The following CHRDL2 variants were observed in gnomAD, a reference collection of about 807,000 sequenced individuals.
CHRDL2 encodes chordin like 2.
CHRDL2 carries 41 observed loss-of-function variants against 54.3 expected under a neutral mutation model. That is an observed-to-expected ratio of 0.76 (90% CI 0.59 to 0.98). The LOEUF (loss-of-function observed/expected upper bound fraction) is 0.98, where lower values mean the gene tolerates loss of function less well. Among genes scored for constraint, CHRDL2 ranks in the 50% least tolerant of loss-of-function variants. The pLI is 0.00. For synonymous variants in CHRDL2, 220 were observed against 224.3 expected (o/e 0.98, Z 0.17); for missense variants, 518 against 562.4 (o/e 0.92, Z 0.80).
At chr11:74,704,764 G>T in intron 6 of CHRDL2, 110 bp from the exon 7 acceptor site, 1 of 1,062,310 alleles carries the variant, frequency 9.4e-7, no homozygotes, top group Non-Finnish European at 1.4e-6. Flanking sequence ...ACCCCAGCAT[G>T]ACTTCCCAGA....
intron 1 of CHRDL2, among the ~76,000 whole-genome samples, chr11:74,724,542 T>G (rs1006440833): frequency 6.6e-6 from 1 of 152,250 alleles, no homozygotes; most frequent in Non-Finnish European, 1.5e-5. Flanking sequence ...TCACCTCCTC[T>G]TGCTAAATTC....
chr11:74,725,360 C>G (rs2034558341), intron 1 of CHRDL2, among the ~76,000 whole-genome samples: 1 of 152,180 alleles, frequency 6.6e-6, no homozygotes. Context: ...CCTTTCAGCA[C>G]TTTTACCTTG....
At chr11:74,709,814 G>T (rs966111097) in intron 4 of CHRDL2, among the ~76,000 whole-genome samples, 2 of 152,164 alleles carry the variant, frequency 1.3e-5, no homozygotes, top group Admixed American at 1.3e-4. Context: ...ACTCCCTTAC[G>T]CACTCAGAGG....
intron 1 of CHRDL2, among the ~76,000 whole-genome samples, chr11:74,719,657 T>C (rs1301320851): frequency 6.6e-6 from 1 of 152,256 alleles, no homozygotes; most frequent in Middle Eastern, 3.2e-3. Flanking sequence ...TTGCTACTAC[T>C]GTGATTTGTG....
chr11:74,698,146 T>A (rs1591344873), intron 9 of CHRDL2: 1 of 151,778 alleles, frequency 6.6e-6, no homozygotes, highest in East Asian at 1.9e-4. Context: ...TCACTGCAAC[T>A]TCTGCCTCCC....
intron 1 of CHRDL2, among the ~76,000 whole-genome samples, chr11:74,727,145 C>T (rs947238094): frequency 2.6e-5 from 4 of 152,162 alleles, no homozygotes; most frequent in Admixed American, 1.3e-4. Flanking sequence ...AATAATCATC[C>T]ACTTGAGTCC....
At chr11:74,697,177 G>T (rs200130606) in intron 10 of CHRDL2, 28 bp downstream of exon 10, 42 of 1,577,240 alleles carry the variant, frequency 2.7e-5, no homozygotes, top group Admixed American at 5.0e-5. Context: ...TTCCTGCCCC[G>T]GCCCCATTCC....
Position 74,710,887 on chromosome 11 carries a change from AG to A in CHRDL2, c.393del (p.Ser132ProfsTer63), listed in dbSNP as rs1426238775. ...AGGACACACTGGTTGGGCAGGCGGG[AG>A]GGGAACAGCTCATGGGCACTGAAGA... ...GEIFSAHELF[P>X]SRLPNQCVLC... On this transcript the variant is annotated frameshift_variant, in exon 4 of 11. Transcript: ENST00000376332. LOFTEE classifies it high-confidence loss of function. 6 of 1,613,918 alleles carry A rather than the reference AG, an allele frequency of 3.7e-6. No homozygotes were observed. The Admixed American group carries it at 6.7e-5, about 18-fold the overall frequency.
At chr11:74,703,087 C>T (rs186249481) in intron 8 of CHRDL2, 120 bp from the exon 9 acceptor site, 72 of 1,120,416 alleles carry the variant, frequency 6.4e-5, no homozygotes, top group East Asian at 1.9e-4. Context: ...TCTATGTTAA[C>T]AACCTCTGAA....
intron 9 of CHRDL2, among the ~76,000 whole-genome samples, chr11:74,699,899 A>G (rs1490575388): frequency 6.6e-6 from 1 of 152,156 alleles, no homozygotes; most frequent in Non-Finnish European, 1.5e-5. Flanking sequence ...GGGTGAGGAG[A>G]TGGGGTGCGG....
At chr11:74,723,089 T>G (rs1054074386) in intron 1 of CHRDL2, among the ~76,000 whole-genome samples, 9 of 152,290 alleles carry the variant, frequency 5.9e-5, no homozygotes, top group Non-Finnish European at 1.3e-4. Flanking sequence ...GCAGTCATCC[T>G]GTTTTGAGAT....
chr11:74,706,674 C>T, intron 5 of CHRDL2, 132 bp from the exon 6 acceptor site: 4 of 777,416 alleles, frequency 5.1e-6, no homozygotes, highest in Non-Finnish European at 8.6e-6. Context: ...AGCCCACTAG[C>T]CAGCTCCTTT....
chr11:74,713,574 T>G, intron 2 of CHRDL2, 95 bp from the exon 3 acceptor site: 1 of 913,146 alleles, frequency 1.1e-6, no homozygotes, highest in South Asian at 1.6e-5. Context: ...ACTGCAGAAG[T>G]CTGAACTTGT....
At chr11:74,703,531 C>A (rs1184504775) in intron 7 of CHRDL2, 32 bp from the exon 8 acceptor site, 8 of 1,520,674 alleles carry the variant, frequency 5.3e-6, no homozygotes, top group Non-Finnish European at 7.1e-6. Flanking sequence ...GAAGGAGGAT[C>A]AGGGCCTCAG....
intron 9 of CHRDL2, among the ~76,000 whole-genome samples, chr11:74,700,624 T>A (rs1264382085): frequency 7.9e-6 from 1 of 126,480 alleles, no homozygotes; most frequent in Non-Finnish European, 1.7e-5. Context: ...ATCTTTTTTT[T>A]ATTATTATTA....
chr11:74,725,236 C>T (rs1349392141), intron 1 of CHRDL2, among the ~76,000 whole-genome samples: 1 of 152,168 alleles, frequency 6.6e-6, no homozygotes, highest in Non-Finnish European at 1.5e-5. Flanking sequence ...CGTGATCCAC[C>T]CGCCAGGGCC....
chr11:74,731,189 G>A lies in CHRDL2; in HGVS notation c.-301C>T, dbSNP rs1265102635. 10 of 333,122 alleles carry A rather than the reference G, an allele frequency of 3.0e-5. No individual in the cohort carries two copies. In the South Asian group the frequency reaches 3.5e-4, roughly 12 times the overall value. 20.6% of individuals were successfully genotyped at this position (333,122 alleles called of 1,614,324 possible). Reference sequence around the variant, plus strand: ...TCAAAGAAAGGGGGAAGGTGAGAGGGAGAGGAGGAGAAAGCAGGGAGAGGA... The same window carrying A: ...TCAAAGAAAGGGGGAAGGTGAGAGGAAGAGGAGGAGAAAGCAGGGAGAGGA... On this transcript the variant is annotated 5_prime_UTR_variant, in exon 1 of 11. Coordinates refer to ENST00000376332, the MANE Select transcript of CHRDL2 (RefSeq NM_001278473.3). The surrounding 1 kb of genome is among the most constrained non-coding windows in gnomAD (Gnocchi z 4.4).
chr11:74,716,137 G>A (rs936105932), intron 2 of CHRDL2, among the ~76,000 whole-genome samples: 2 of 152,184 alleles, frequency 1.3e-5, no homozygotes, highest in African/African-American at 4.8e-5. Flanking sequence ...AAGATCTGAG[G>A]GAAGAACATT....
At chr11:74,706,449 C>T in intron 6 of CHRDL2, 38 bp downstream of exon 6, 1 of 1,606,800 alleles carries the variant, frequency 6.2e-7, no homozygotes, top group East Asian at 2.2e-5. Flanking sequence ...GATCCCAGCC[C>T]CCTGTCCCGC....
Sources: allele counts gnomAD v4.1 joint callset (sites outside exome capture counted in the v4.1 genomes callset), GRCh38; gene constraint gnomAD v4.1.1; non-coding constraint Gnocchi (gnomAD v3.1); transcripts MANE v1.5; gene names NCBI Gene and HGNC (gene_info 2026-07-23, HGNC 2026-07-21).